Variants in LOXL1 observed in about 807,000 individuals in gnomAD.
LOXL1 encodes lysyl oxidase homolog 1.
LOXL1 carries 31 observed loss-of-function variants against 62.2 expected under a neutral mutation model. The observed-to-expected ratio is 0.50, with a 90% CI of 0.37 to 0.67. The LOEUF (loss-of-function observed/expected upper bound fraction) is 0.67, where lower values mean the gene tolerates loss of function less well. LOXL1 is among the 30% of genes least tolerant of loss of function. The pLI, the probability that LOXL1 is intolerant of heterozygous loss-of-function variation, is 0.00. For synonymous variants in LOXL1, 403 were observed against 384.4 expected (o/e 1.05, Z -0.56); for missense variants, 775 against 843.4 (o/e 0.92, Z 1.00).
At chr15:73,951,566 G>A (rs1031136342) in intron 6 of LOXL1, among the ~76,000 whole-genome samples, 5 of 152,168 alleles carry the variant, frequency 3.3e-5, no homozygotes, top group African/African-American at 7.2e-5. Context: ...GACAGTAGCA[G>A]CTCTGCTAAT....
At position 73,938,317 on chromosome 15, in the gene LOXL1, A is replaced by ATCTATCTATCTATCTG. The variant is rs55742967; in HGVS notation, c.1103-4537_1103-4536insTCTATCTATCTATCTG. ...TATCTATCTATCTATCTATCTATCT[A>ATCTATCTATCTATCTG]GGTAGATAGATAGAACAGGAGGCCA... is the stretch of plus-strand genomic sequence containing the variant. On this transcript the variant is annotated intron_variant, in intron 1 of 6. Coordinates refer to ENST00000261921, the MANE Select transcript of LOXL1 (RefSeq NM_005576.4). Among the ~76,000 whole-genome samples, 3 of 150,212 alleles carry ATCTATCTATCTATCTG rather than the reference A, an allele frequency of 2.0e-5. No individual in the cohort carries two copies. The South Asian group carries it at 6.3e-4, about 32-fold the overall frequency.
At chr15:73,934,758 T>C (rs2068659236) in intron 1 of LOXL1, among the ~76,000 whole-genome samples, 1 of 151,978 alleles carries the variant, frequency 6.6e-6, no homozygotes, top group African/African-American at 2.4e-5. Context: ...AATAAATATG[T>C]AAAAAAAATA....
intron 1 of LOXL1, among the ~76,000 whole-genome samples, chr15:73,934,440 C>T (rs1032022682): frequency 1.3e-5 from 2 of 152,296 alleles, no homozygotes; most frequent in East Asian, 3.9e-4. Flanking sequence ...GGCCCAAGTC[C>T]ATGTCTGTCT....
rs1293951193 is a variant in LOXL1 at position 73,927,486 on chromosome 15, G to A, written c.703G>A (p.Glu235Lys). 3 of 1,461,446 alleles carry A rather than the reference G, an allele frequency of 2.1e-6. No homozygotes were observed. Among genetic ancestry groups the A allele is most frequent in the Non-Finnish European group, 1.8e-6 (2 of 1,111,530 alleles). 90.5% of individuals were successfully genotyped at this position (1,461,446 alleles called of 1,614,324 possible). A position where few individuals can be genotyped will look rare whatever the true frequency, so the allele number is the denominator to read the frequency against. Residue 235 changes from glutamate (E) to lysine (K), a missense_variant, in exon 1 of 7, where the codon GAG (glutamate) becomes AAG (lysine). Glu to Lys is a moderately conservative substitution (Grantham distance 56). Coordinates refer to ENST00000261921, the MANE Select transcript of LOXL1 (RefSeq NM_005576.4). ...IYPYQPRARY[E>K]EYGGGEELPE... ...CCCCTACCAGCCCCGGGCGCGCTACGAGGAGTACGGCGGCGGCGAAGAGCT... is the reference window on the plus strand; with the variant it reads ...CCCCTACCAGCCCCGGGCGCGCTACAAGGAGTACGGCGGCGGCGAAGAGCT...
chr15:73,949,340 C>G, intron 5 of LOXL1, 119 bp from the exon 6 acceptor site: 1 of 730,930 alleles, frequency 1.4e-6, no homozygotes, highest in Non-Finnish European at 2.5e-6. Context: ...TCTCTGTTCT[C>G]CCTCTCTCTG....
chr15:73,947,718 G>A (rs2068757960), intron 4 of LOXL1, 89 bp from the exon 5 acceptor site: 4 of 904,722 alleles, frequency 4.4e-6, no homozygotes, highest in Non-Finnish European at 7.1e-6. Context: ...AAACCCAGGG[G>A]AAGGTGGGCC....
rs1405709387 is a variant in LOXL1 at position 73,930,445 on chromosome 15, T to G, written c.1102+2560T>G. 1.3e-5 allele frequency among the ~76,000 whole-genome samples: 2 copies of G among 152,034 alleles called. No individual in the cohort carries two copies. The highest frequency in any genetic ancestry group is 1.3e-4 in the Admixed American group (2 of 15,278). On this transcript the variant is annotated intron_variant, in intron 1 of 6. Coordinates refer to ENST00000261921, the MANE Select transcript of LOXL1 (RefSeq NM_005576.4). This position sits in a 1 kb window ranked among gnomAD's most constrained non-coding sequence, Gnocchi z 4.7. ...GAGCAGTAGTCTCTCCCATCATTGGTTCCTCCCTCCCCACCCTGCTAGGCC... is the reference window on the plus strand; with the variant it reads ...GAGCAGTAGTCTCTCCCATCATTGGGTCCTCCCTCCCCACCCTGCTAGGCC...
At position 73,946,259 on chromosome 15, in the gene LOXL1, G is replaced by A. The variant is rs988367514; in HGVS notation, c.1212-158G>A. The A allele has an allele frequency of 1.0e-4, 61 of 607,226 alleles. 1 individual carries two copies. The highest frequency in any genetic ancestry group is 8.6e-4 in the Middle Eastern group (2 of 2,330). The allele number at this position is 607,226 out of a possible 1,614,324, so 37.6% of individuals were successfully genotyped here. The stretch of plus-strand genomic sequence containing the variant: ...GACAGAGGAAGAGGCCTGAGCCTCC[G>A]CCACAGTTCGAGGAGACAGAGGAGA... On this transcript the variant is annotated intron_variant, in intron 2 of 6. Coordinates refer to ENST00000261921, the MANE Select transcript of LOXL1 (RefSeq NM_005576.4).
At chr15:73,948,614 C>A (rs1424426663) in intron 5 of LOXL1, among the ~76,000 whole-genome samples, 1 of 152,210 alleles carries the variant, frequency 6.6e-6, no homozygotes, top group Non-Finnish European at 1.5e-5. Flanking sequence ...AGGCGGAGGC[C>A]TTCCCTGCAG....
chr15:73,947,005 C>T (rs887044094), intron 3 of LOXL1, 62 bp from the exon 4 acceptor site: 29 of 1,478,104 alleles, frequency 2.0e-5, no homozygotes, highest in Non-Finnish European at 2.5e-5. Context: ...AGGATGGGGA[C>T]AGGATGAGAG....
At chr15:73,932,140 A>T (rs1178176313) in intron 1 of LOXL1, among the ~76,000 whole-genome samples, 1 of 152,212 alleles carries the variant, frequency 6.6e-6, no homozygotes, top group Non-Finnish European at 1.5e-5. Flanking sequence ...GGGGCAGGGC[A>T]TGAGCATGGA....
rs2068627482 is a variant in LOXL1, at chr15:73,930,384, C to T, written c.1102+2499C>T. ...GTGTTTTTTGCTGGGGAGGGGATTG[C>T]AGGCTAGTTTAGGGCTCACAAAGAG... On this transcript the variant is annotated intron_variant, in intron 1 of 6. Coordinates refer to ENST00000261921, the MANE Select transcript of LOXL1 (RefSeq NM_005576.4). The surrounding 1 kb of genome is among the most constrained non-coding windows in gnomAD (Gnocchi z 4.7). 6.6e-6 allele frequency among the ~76,000 whole-genome samples: 1 copy of T among 152,086 alleles called. No homozygotes were observed. Among genetic ancestry groups the T allele is most frequent in the African/African-American group, 2.4e-5 (1 of 41,402 alleles).
At chr15:73,938,281 A>ATCTATCTATCTG (rs2068688887) in intron 1 of LOXL1, among the ~76,000 whole-genome samples, 1 of 149,476 alleles carries the variant, frequency 6.7e-6, no homozygotes, top group Non-Finnish European at 1.5e-5. Context: ...CTCCGTATCT[A>ATCTATCTATCTG]TCTATCTATC....
intron 5 of LOXL1, 60 bp downstream of exon 5, chr15:73,947,962 G>T: frequency 7.7e-7 from 1 of 1,304,892 alleles, no homozygotes; most frequent in Non-Finnish European, 1.1e-6. Context: ...ATGTCCCCCC[G>T]TTCCTGAAAG....
At chr15:73,946,391 C>T (rs374225668) in intron 2 of LOXL1, 26 bp from the exon 3 acceptor site, 3 of 1,536,968 alleles carry the variant, frequency 2.0e-6, no homozygotes, top group East Asian at 4.5e-5. Context: ...CCCAACCCCC[C>T]CTCATCTCCC....
At position 73,946,389 on chromosome 15, in the gene LOXL1, C is replaced by T. The variant is rs780371881; in HGVS notation, c.1212-28C>T. The T allele has an allele frequency of 4.0e-6, 6 of 1,513,538 alleles. No homozygotes were observed. In the African/African-American group the frequency reaches 5.5e-5, roughly 14 times the overall value. 93.8% of individuals were successfully genotyped at this position (1,513,538 alleles called of 1,614,324 possible). A position where few individuals can be genotyped will look rare whatever the true frequency, so the allele number is the denominator to read the frequency against. On this transcript the variant is annotated intron_variant, in intron 2 of 6. Transcript: ENST00000261921. ...TTCTGGTGTCACTGTGCCCCAACCC[C>T]CCCTCATCTCCCCCGCCGTCCCTGC...
chr15:73,934,386 G>A (rs896320897), intron 1 of LOXL1, among the ~76,000 whole-genome samples: 5 of 152,190 alleles, frequency 3.3e-5, no homozygotes, highest in Non-Finnish European at 7.3e-5. Flanking sequence ...CCTCACTGAC[G>A]TCTCAGCCTG....
In LOXL1 at chr15:73,926,734, G is replaced by A. The variant is rs115031006; in HGVS notation, c.-50G>A. The A allele has an allele frequency of 8.1e-4, 1,087 of 1,347,108 alleles. 7 individuals are homozygous for A. The African/African-American group carries it at 0.015, about 19-fold the overall frequency. 83.4% of individuals were successfully genotyped at this position (1,347,108 alleles called of 1,614,324 possible). A position where few individuals can be genotyped will look rare whatever the true frequency, so the allele number is the denominator to read the frequency against. The stretch of plus-strand genomic sequence containing the variant: ...GTGGGAAGAGAAGCACGCCCAGGGG[G>A]CCACTCCTGAGAGCCTCTCTGTCCA... On this transcript the variant is annotated 5_prime_UTR_variant, in exon 1 of 7. Transcript: ENST00000261921.
chr15:73,936,311 C>G (rs2068671977), intron 1 of LOXL1, among the ~76,000 whole-genome samples: 1 of 152,146 alleles, frequency 6.6e-6, no homozygotes, highest in Non-Finnish European at 1.5e-5. Context: ...TGTGGCACTG[C>G]CAGGCCAGTG....
Sources: allele counts gnomAD v4.1 joint callset (sites outside exome capture counted in the v4.1 genomes callset), GRCh38; gene constraint gnomAD v4.1.1; non-coding constraint Gnocchi (gnomAD v3.1); transcripts MANE v1.5; gene names NCBI Gene and HGNC (gene_info 2026-07-23, HGNC 2026-07-21).